Variants in ZBTB7C observed in about 807,000 individuals in gnomAD.
ZBTB7C encodes the protein zinc finger and BTB domain containing 7C, also known as zinc finger and BTB domain-containing protein 7C.
ZBTB7C carries 8 observed loss-of-function variants against 25.7 expected under a neutral mutation model. The observed-to-expected ratio is 0.31, with a 90% CI of 0.18 to 0.56. ZBTB7C has a LOEUF of 0.56. Among genes scored for constraint, ZBTB7C ranks in the 20% least tolerant of loss-of-function variants. The probability of loss-of-function intolerance (pLI) is 0.91; values close to 1 mark genes in which losing one functional copy is unlikely to be tolerated. For missense variants in ZBTB7C, 824 were observed against 855.2 expected, an observed-to-expected ratio of 0.96 and a Z score of 0.46; for synonymous variants, 394 against 369.0, an observed-to-expected ratio of 1.07 and a Z score of -0.78.
At chr18:48,244,478 A>C (rs1356100459) in intron 2 of ZBTB7C, among the ~76,000 whole-genome samples, 1 of 152,228 alleles carries the variant, frequency 6.6e-6, no homozygotes, top group Non-Finnish European at 1.5e-5. Flanking sequence ...GCACAACAAA[A>C]GAAATAATCA....
At chr18:48,342,575 C>T (rs1171305408) in intron 1 of ZBTB7C, among the ~76,000 whole-genome samples, 2 of 152,228 alleles carry the variant, frequency 1.3e-5, no homozygotes, top group Non-Finnish European at 2.9e-5. Flanking sequence ...TTCCCCACAA[C>T]CCTCGGCAGG....
intron 1 of ZBTB7C, among the ~76,000 whole-genome samples, chr18:48,363,888 A>G (rs1475109306): frequency 6.6e-6 from 1 of 151,668 alleles, no homozygotes; most frequent in African/African-American, 2.4e-5. Flanking sequence ...CTTTTTAAAA[A>G]ACTCTCTCCC....
intron 1 of ZBTB7C, among the ~76,000 whole-genome samples, chr18:48,358,397 T>C (rs1052535331): frequency 6.6e-6 from 1 of 152,098 alleles, no homozygotes; most frequent in Non-Finnish European, 1.5e-5. Context: ...CTGTCTCTCT[T>C]GCTCCCACTC....
intron 3 of ZBTB7C, chr18:48,149,423 C>T (rs1318552790): frequency 6.6e-6 from 1 of 152,230 alleles, no homozygotes; most frequent in Non-Finnish European, 1.5e-5. Flanking sequence ...TGGCCTCACC[C>T]CTAATGCTAG....
chr18:48,133,907 T>A (rs1237216061), intron 3 of ZBTB7C, among the ~76,000 whole-genome samples: 2 of 152,140 alleles, frequency 1.3e-5, no homozygotes, highest in Non-Finnish European at 2.9e-5. Flanking sequence ...GAGCAAGGGC[T>A]GAGCAAACAA....
chr18:48,302,732 C>T (rs914247782), intron 2 of ZBTB7C, among the ~76,000 whole-genome samples: 16 of 152,190 alleles, frequency 1.1e-4, no homozygotes, highest in African/African-American at 3.9e-4. Context: ...GCCTTTCCCC[C>T]AAAAACCATA....
At chr18:48,106,774 T>C (rs2039043160) in intron 3 of ZBTB7C, among the ~76,000 whole-genome samples, 1 of 151,988 alleles carries the variant, frequency 6.6e-6, no homozygotes, top group Non-Finnish European at 1.5e-5. Flanking sequence ...AACCACCAGC[T>C]TGCAATAAAA....
At chr18:48,279,575 G>A (rs1462063908) in intron 2 of ZBTB7C, among the ~76,000 whole-genome samples, 3 of 152,194 alleles carry the variant, frequency 2.0e-5, no homozygotes, top group African/African-American at 7.2e-5. Context: ...TCTGATATTA[G>A]CACAGCCTGC....
chr18:48,379,535 A>G (rs1400323047), intron 1 of ZBTB7C, among the ~76,000 whole-genome samples: 2 of 152,142 alleles, frequency 1.3e-5, no homozygotes, highest in Admixed American at 1.3e-4. Context: ...TTTGCCTCAT[A>G]GTGGATCTAT....
intron 2 of ZBTB7C, among the ~76,000 whole-genome samples, chr18:48,317,742 T>C (rs534757925): frequency 1.8e-4 from 28 of 152,286 alleles, no homozygotes; most frequent in Admixed American, 3.9e-4. Context: ...CCTGCAGCTA[T>C]TGAGGGCAGA....
At chr18:48,324,384 G>C (rs1262377181) in intron 2 of ZBTB7C, among the ~76,000 whole-genome samples, 1 of 151,992 alleles carries the variant, frequency 6.6e-6, no homozygotes, top group Non-Finnish European at 1.5e-5. Flanking sequence ...TGGGGTTCAG[G>C]TGTCAGTGAG....
intron 1 of ZBTB7C, among the ~76,000 whole-genome samples, chr18:48,387,603 T>C (rs2047778414): frequency 6.6e-6 from 1 of 152,138 alleles, no homozygotes; most frequent in African/African-American, 2.4e-5. Flanking sequence ...TATCTTCCTT[T>C]GAGACAGAGA....
At position 48,381,395 on chromosome 18, in the gene ZBTB7C, T is replaced by C. The variant is rs367929761; in HGVS notation, c.-304+27831A>G. On this transcript the variant is annotated intron_variant, in intron 1 of 4. Transcript: ENST00000590800. Reference sequence around the variant, plus strand: ...ATAATCTGAACATTTTAAGAAGAGATTTAGATAACTGGTAGAGATCCAGAG... The same window carrying C: ...ATAATCTGAACATTTTAAGAAGAGACTTAGATAACTGGTAGAGATCCAGAG... Among the ~76,000 whole-genome samples, 92 of 152,256 alleles carry C rather than the reference T, an allele frequency of 6.0e-4. 2 individuals carry two copies. The South Asian group carries it at 0.015, about 25-fold the overall frequency.
chr18:48,219,880 T>A (rs1326739431), intron 2 of ZBTB7C, among the ~76,000 whole-genome samples: 5 of 151,792 alleles, frequency 3.3e-5, no homozygotes, highest in African/African-American at 1.2e-4. Flanking sequence ...GAGAGACAGG[T>A]TGGGAGGCAA....
At chr18:48,134,388 A>T (rs2040082894) in intron 3 of ZBTB7C, among the ~76,000 whole-genome samples, 1 of 152,188 alleles carries the variant, frequency 6.6e-6, no homozygotes. Context: ...TAGGACAGAT[A>T]TGTCTGGTCA....
intron 3 of ZBTB7C, among the ~76,000 whole-genome samples, chr18:48,073,010 G>A (rs551787168): frequency 6.6e-6 from 1 of 152,300 alleles, no homozygotes; most frequent in South Asian, 2.1e-4. Flanking sequence ...GGAATGAACG[G>A]GATCCTATTT....
At chr18:48,103,109 A>C (rs58444917) in intron 3 of ZBTB7C, among the ~76,000 whole-genome samples, 139 of 79,858 alleles carry the variant, frequency 1.7e-3, no homozygotes, top group African/African-American at 5.7e-3. Flanking sequence ...TATATATTTT[A>C]TATTATCTAT....
At chr18:48,282,574 G>A (rs559967570) in intron 2 of ZBTB7C, among the ~76,000 whole-genome samples, 2 of 152,266 alleles carry the variant, frequency 1.3e-5, no homozygotes, top group Admixed American at 6.5e-5. Context: ...TGTAGCATTG[G>A]TTTTAATAGT....
intron 4 of ZBTB7C, among the ~76,000 whole-genome samples, chr18:48,036,905 G>A (rs111482018): frequency 6.6e-6 from 1 of 152,200 alleles, no homozygotes; most frequent in Admixed American, 6.5e-5. Context: ...GACAGACCAC[G>A]CTTGGGGCTC....
Sources: gnomAD v4.1 joint callset for allele counts (sites outside exome capture counted in the v4.1 genomes callset) on GRCh38, gnomAD v4.1.1 for gene constraint, MANE v1.5 for transcripts, NCBI Gene and HGNC (gene_info 2026-07-23, HGNC 2026-07-21) for gene names.